HYAL4: variants seen among roughly 807,000 people sequenced by gnomAD.
HYAL4 encodes hyaluronidase 4.
In HYAL4, 37 loss-of-function variants were observed where a neutral mutation model predicts 35.2. The observed-to-expected ratio is 1.05, with a 90% CI of 0.81 to 1.38. HYAL4 has a LOEUF of 1.38. HYAL4 is among the 40% of genes most tolerant of loss of function. The pLI, the probability that HYAL4 is intolerant of heterozygous loss-of-function variation, is 0.00. For synonymous variants in HYAL4, 198 were observed against 203.2 expected (o/e 0.97, Z 0.22); for missense variants, 572 against 572.4 (o/e 1.00, Z 0.01).
At chr7:123,805,740 G>A in the HYAL4 span, among the ~76,000 whole-genome samples, 4 of 152,270 alleles carry the variant, frequency 2.6e-5, no homozygotes, top group South Asian at 2.1e-4. Flanking sequence ...GTTACATTAT[G>A]TAATATATTT....
At chr7:123,870,113 T>G (rs78313483) in intron 3 of HYAL4, among the ~76,000 whole-genome samples, 5,438 of 152,306 alleles carry the variant, frequency 0.036, 240 homozygotes, top group African/African-American at 0.1. Flanking sequence ...AGTGGTTTAA[T>G]ATATTTTAAC....
intron 2 of HYAL4, among the ~76,000 whole-genome samples, chr7:123,849,669 G>C (rs572917478): frequency 6.6e-6 from 1 of 152,128 alleles, no homozygotes; most frequent in Non-Finnish European, 1.5e-5. Flanking sequence ...CAAAATTTTT[G>C]TTCCTTCATA....
the HYAL4 span, among the ~76,000 whole-genome samples, chr7:123,803,235 C>A: frequency 6.6e-6 from 1 of 152,056 alleles, no homozygotes; most frequent in Non-Finnish European, 1.5e-5. Flanking sequence ...TGAGGCCTGC[C>A]TGGGCAATGT....
At chr7:123,840,976 T>G (rs1806047710), upstream of HYAL4, among the ~76,000 whole-genome samples, 1 of 152,050 alleles carries the variant, frequency 6.6e-6, no homozygotes, top group Non-Finnish European at 1.5e-5. Flanking sequence ...GAATATCCTT[T>G]ATTTCTTTCT....
intron 2 of HYAL4, among the ~76,000 whole-genome samples, chr7:123,854,901 G>C (rs1806397088): frequency 6.6e-6 from 1 of 152,140 alleles, no homozygotes; most frequent in African/African-American, 2.4e-5. Context: ...GAATCTGGGT[G>C]CTCCTGTATT....
the HYAL4 span, among the ~76,000 whole-genome samples, chr7:123,778,318 G>A: frequency 6.6e-6 from 1 of 152,042 alleles, no homozygotes; most frequent in African/African-American, 2.4e-5. Context: ...ATAATAAAAC[G>A]ATCAATTTCA....
rs143985361 is a variant in HYAL4, at chr7:123,876,919, A to G, written c.1210A>G (p.Ser404Gly). ...APSYLHLNPA[S>G]YHIEASEDGE... is the part of the protein sequence containing the mutation. ...CAGTTACCTTCACTTGAACCCTGCA[A>G]GTTACCACATAGAGGCCTCTGAGGA... is the stretch of plus-strand genomic sequence containing the variant. The change falls in exon 5 of 5, where the codon AGT becomes GGT. Residue 404 changes from serine to glycine, a missense_variant. By Grantham distance (56) the Ser-to-Gly change is moderately conservative. Transcript: ENST00000223026. 3,744 of 1,614,200 alleles carry G rather than the reference A, an allele frequency of 2.3e-3. 22 individuals are homozygous for G. The highest frequency in any genetic ancestry group is 0.018 in the Middle Eastern group (109 of 6,062).
At chr7:123,849,336 T>C (rs895017690) in intron 2 of HYAL4, among the ~76,000 whole-genome samples, 4 of 151,928 alleles carry the variant, frequency 2.6e-5, no homozygotes, top group African/African-American at 9.7e-5. Flanking sequence ...AGGGTCTCTC[T>C]GTCACCCAAG....
chr7:123,812,774 T>G, the HYAL4 span, among the ~76,000 whole-genome samples: 1 of 152,128 alleles, frequency 6.6e-6, no homozygotes. Context: ...TTCTTTCATT[T>G]TCCCTGAACA....
At chr7:123,836,175 T>C (rs568089976) in intron 1 of HYAL4, among the ~76,000 whole-genome samples, 4 of 152,336 alleles carry the variant, frequency 2.6e-5, no homozygotes, top group Non-Finnish European at 4.4e-5. Context: ...CAGTGTAGTA[T>C]TGAAGTCCCC....
At chr7:123,875,089 C>T (rs931801159) in intron 4 of HYAL4, among the ~76,000 whole-genome samples, 3 of 152,056 alleles carry the variant, frequency 2.0e-5, no homozygotes, top group African/African-American at 4.8e-5. Context: ...TTTTTTGAGT[C>T]GGATTTGCTC....
At chr7:123,858,095 G>A (rs1196408575) in intron 2 of HYAL4, among the ~76,000 whole-genome samples, 1 of 152,134 alleles carries the variant, frequency 6.6e-6, no homozygotes, top group African/African-American at 2.4e-5. Context: ...TACTCAGGAG[G>A]CTGAGGTGGG....
chr7:123,855,687 C>G (rs1806420036), intron 2 of HYAL4, among the ~76,000 whole-genome samples: 1 of 152,030 alleles, frequency 6.6e-6, no homozygotes, highest in African/African-American at 2.4e-5. Context: ...TGGGGTTGCT[C>G]TTCTCGAGGA....
the HYAL4 span, among the ~76,000 whole-genome samples, chr7:123,777,302 A>C: frequency 1.3e-5 from 2 of 152,118 alleles, no homozygotes; most frequent in Non-Finnish European, 2.9e-5. Flanking sequence ...TATAAAAAAG[A>C]ATGTAAAATA....
the HYAL4 span, among the ~76,000 whole-genome samples, chr7:123,806,753 T>C: frequency 6.6e-6 from 1 of 151,938 alleles, no homozygotes; most frequent in Non-Finnish European, 1.5e-5. Context: ...CGCCCGGCCC[T>C]TGCTTTCCAT....
At chr7:123,797,321 T>C in the HYAL4 span, among the ~76,000 whole-genome samples, 1 of 152,198 alleles carries the variant, frequency 6.6e-6, no homozygotes, top group African/African-American at 2.4e-5. Flanking sequence ...GAAAAAGCTA[T>C]AATAAAGTGT....
At chr7:123,862,338 G>A (rs1041995753) in intron 2 of HYAL4, among the ~76,000 whole-genome samples, 16 of 152,040 alleles carry the variant, frequency 1.1e-4, no homozygotes, top group Admixed American at 5.2e-4. Flanking sequence ...AAACTCTCAC[G>A]GTTTTAGGAG....
chr7:123,795,113 G>A, the HYAL4 span, among the ~76,000 whole-genome samples: 1 of 152,222 alleles, frequency 6.6e-6, no homozygotes, highest in Non-Finnish European at 1.5e-5. Context: ...CTGCCCTACT[G>A]GATATTGGAC....
chr7:123,848,658 A>T (rs1186448342), intron 2 of HYAL4, among the ~76,000 whole-genome samples: 4 of 152,238 alleles, frequency 2.6e-5, no homozygotes, highest in Non-Finnish European at 5.9e-5. Context: ...TTATAAACAT[A>T]AATGTTTTCC....
Sources: allele counts gnomAD v4.1 joint callset (sites outside exome capture counted in the v4.1 genomes callset), GRCh38; gene constraint gnomAD v4.1.1; transcripts MANE v1.5; gene names NCBI Gene and HGNC (gene_info 2026-07-23, HGNC 2026-07-21).